KBTBD6: variants seen among roughly 807,000 people sequenced by gnomAD.
KBTBD6 encodes the protein kelch repeat and BTB domain-containing protein 6.
A neutral mutation model predicts 34.4 loss-of-function variants in KBTBD6; 6 were observed. That is an observed-to-expected ratio of 0.17 (90% CI 0.10 to 0.34). KBTBD6 has a LOEUF of 0.34. Ranked by LOEUF, KBTBD6 falls within the 10% of genes least tolerant of loss-of-function variation. KBTBD6 has a pLI of 1.00. For synonymous variants in KBTBD6, 288 were observed against 327.2 expected (o/e 0.88, Z 1.29); for missense variants, 557 against 856.0 (o/e 0.65, Z 4.36).
Position 41,128,695 on chromosome 13 carries a change from CATAGCTGCAGTGAGCTATGATT to C in KBTBD6, c.*1770_*1791del, listed in dbSNP as rs1327603540. 1.5e-4 allele frequency: 56 copies of C among 376,140 alleles called. No individual in the cohort carries two copies. In the South Asian group the frequency reaches 3.3e-3, roughly 22 times the overall value. The allele number at this position is 376,140 out of a possible 1,614,324, so 23.3% of individuals were successfully genotyped here. A position where few individuals can be genotyped will look rare whatever the true frequency, so the allele number is the denominator to read the frequency against. On this transcript the variant is annotated 3_prime_UTR_variant, in exon 1 of 1. Coordinates refer to ENST00000379485, the MANE Select transcript of KBTBD6 (RefSeq NM_152903.5). ...CAAAGCTGGAGTGCTGAGACATGAT[CATAGCTGCAGTGAGCTATGATT>C]ATAGCTGCAGATGATAGCTGCAGCC...
At position 41,131,863 on chromosome 13, in the gene KBTBD6, G is replaced by A. The variant is rs1307300757; in HGVS notation, c.649C>T (p.Leu217=). Residue 217 remains leucine (L), a synonymous_variant, in exon 1 of 1, where the codon CTG becomes TTG. Coordinates refer to ENST00000379485, the MANE Select transcript of KBTBD6 (RefSeq NM_152903.5). The surrounding 1 kb of genome is among the most constrained non-coding windows in gnomAD (Gnocchi z 5.8). ...ACAGCCAGCAGCTGGGCCAGGGTCA[G>A]ATCTGCTAGAGTCTCCTCCCGAATT... ...GSIREETLAD[L]TLAQLLAVLR... 6.2e-7 allele frequency: 1 copy of A among 1,614,266 alleles called. No individual in the cohort carries two copies. Among genetic ancestry groups the A allele is most frequent in the East Asian group, 2.2e-5 (1 of 44,890 alleles).
rs2030127359 is a variant in KBTBD6 at position 41,132,520 on chromosome 13, T to C, written c.-9A>G. 11 of 1,608,544 alleles carry C rather than the reference T, an allele frequency of 6.8e-6. No individual in the cohort carries two copies. The highest frequency in any genetic ancestry group is 4.4e-5 in the South Asian group (4 of 90,910). On this transcript the variant is annotated 5_prime_UTR_variant, in exon 1 of 1. Transcript: ENST00000379485. ...TCTTCCCGGGACTGCATGGTGGAGATGGCGACGGGCGCTGATGGCGAGAAA... is the reference window on the plus strand; with the variant it reads ...TCTTCCCGGGACTGCATGGTGGAGACGGCGACGGGCGCTGATGGCGAGAAA...
Position 41,131,278 on chromosome 13 carries a change from G to A in KBTBD6, c.1234C>T (p.Gln412Ter). The part of the protein sequence containing the change: ...RTDLWVYKPA[Q>*]NSWQQLADRL... ...TCTGCAAGTTGCTGCCAACTATTCT[G>A]AGCTGGTTTATACACCCAGAGGTCT... is the stretch of plus-strand genomic sequence containing the variant. Residue 412 changes from glutamine (Q) to a stop codon, truncating the protein, a stop_gained, in exon 1 of 1, where the codon CAG becomes TAG. Coordinates refer to ENST00000379485, the MANE Select transcript of KBTBD6 (RefSeq NM_152903.5). LOFTEE classifies it high-confidence loss of function. This position sits in a 1 kb window ranked among gnomAD's most constrained non-coding sequence, Gnocchi z 5.8. 6.2e-7 allele frequency: 1 copy of A among 1,614,156 alleles called. No individual in the cohort carries two copies. The highest frequency in any genetic ancestry group is 8.5e-7 in the Non-Finnish European group (1 of 1,180,030).
rs1426317595 is a variant in KBTBD6 at position 41,131,426 on chromosome 13, G to A, written c.1086C>T (p.Tyr362=). The part of the protein sequence containing the change: ...PRDPFLCCDP[Y]SGDLYKVPSP... ...ACGGCACTTTGTAAAGGTCCCCCGA[G>A]TATGGATCACAGCAGAGAAAGGGAT... Residue 362 remains tyrosine, a synonymous_variant, in exon 1 of 1, where the codon TAC becomes TAT. Coordinates refer to ENST00000379485, the MANE Select transcript of KBTBD6 (RefSeq NM_152903.5). The surrounding 1 kb of genome is among the most constrained non-coding windows in gnomAD (Gnocchi z 5.8). 1.4e-5 allele frequency: 23 copies of A among 1,614,182 alleles called. No homozygotes were observed. The highest frequency in any genetic ancestry group is 1.9e-5 in the Non-Finnish European group (23 of 1,180,024).
rs1218217900 is a variant in KBTBD6 at position 41,131,538 on chromosome 13, TTGCTGCTGCTACTGC to T, written c.959_973del (p.Ser320_Ser324del). ...ATTTTCTGCTGCAGATACAAGAGAG[TTGCTGCTGCTACTGC>T]TGCTGCTGCTGTTTGGCACTGGCAC... On this transcript the variant is annotated inframe_deletion, in exon 1 of 1. Transcript: ENST00000379485. The surrounding 1 kb of genome is among the most constrained non-coding windows in gnomAD (Gnocchi z 5.8). 6.2e-7 allele frequency: 1 copy of T among 1,613,866 alleles called. No individual in the cohort carries two copies. The highest frequency in any genetic ancestry group is 8.5e-7 in the Non-Finnish European group (1 of 1,179,974).
Position 41,130,817 on chromosome 13 carries a change from G to T in KBTBD6, c.1695C>A (p.Gly565=). 6.2e-7 allele frequency: 1 copy of T among 1,614,140 alleles called. No individual in the cohort carries two copies. Among genetic ancestry groups the T allele is most frequent in the Non-Finnish European group, 8.5e-7 (1 of 1,180,032 alleles). ...ETNNYRIIKH[G]QKLLLITSRT... ...GAGAGGTGATGAGCAACAATTTTTG[G>T]CCATGCTTGATAATTCTGTAGTTGT... The change falls in exon 1 of 1, where the codon GGC becomes GGA. Residue 565 remains glycine (G), a synonymous_variant. Coordinates refer to ENST00000379485, the MANE Select transcript of KBTBD6 (RefSeq NM_152903.5). This position sits in a 1 kb window ranked among gnomAD's most constrained non-coding sequence, Gnocchi z 4.8.
Position 41,131,293 on chromosome 13 carries a change from C to T in KBTBD6, c.1219G>A (p.Val407Met). Residue 407 changes from valine (V) to methionine (M), a missense_variant, in exon 1 of 1, where the codon GTG becomes ATG. Val to Met is a conservative substitution (Grantham distance 21). Transcript: ENST00000379485. This position sits in a 1 kb window ranked among gnomAD's most constrained non-coding sequence, Gnocchi z 5.8. ...LAAQPRTDLW[V>M]YKPAQNSWQQ... ...CAACTATTCTGAGCTGGTTTATACA[C>T]CCAGAGGTCTGTCCTGGGCTGAGCA... is the stretch of plus-strand genomic sequence containing the variant. The T allele has an allele frequency of 1.9e-6, 3 of 1,614,156 alleles. No homozygotes were observed. Among genetic ancestry groups the T allele is most frequent in the Non-Finnish European group, 1.7e-6 (2 of 1,180,040 alleles).
chr13:41,132,547 G>A lies in KBTBD6; in HGVS notation c.-36C>T. On this transcript the variant is annotated 5_prime_UTR_variant, in exon 1 of 1. Coordinates refer to ENST00000379485, the MANE Select transcript of KBTBD6 (RefSeq NM_152903.5). Reference sequence around the variant, plus strand: ...GCGACGGGCGCTGATGGCGAGAAACGCTGCAGGACCCGGCTCTGGCTCCTC... The same window carrying A: ...GCGACGGGCGCTGATGGCGAGAAACACTGCAGGACCCGGCTCTGGCTCCTC... 1 of 1,596,726 alleles carries A rather than the reference G, an allele frequency of 6.3e-7. No homozygotes were observed. The highest frequency in any genetic ancestry group is 1.7e-5 in the Admixed American group (1 of 58,974).
In KBTBD6 at chr13:41,130,913, G is replaced by C; in HGVS notation, c.1599C>G (p.Val533=). The change falls in exon 1 of 1, where the codon GTC becomes GTG. Residue 533 remains valine, a synonymous_variant. Transcript: ENST00000379485. The surrounding 1 kb of genome is among the most constrained non-coding windows in gnomAD (Gnocchi z 4.8). ...EEIYCICDIP[V]MKVYNPVRAE... is the part of the protein sequence containing the mutation. The stretch of plus-strand genomic sequence containing the variant: ...CCCTAACTGGGTTGTAGACCTTCAT[G>C]ACTGGGATATCACAGATACAATAGA... 6.2e-7 allele frequency: 1 copy of C among 1,614,124 alleles called. No homozygotes were observed. The highest frequency in any genetic ancestry group is 8.5e-7 in the Non-Finnish European group (1 of 1,179,988).
In KBTBD6 at chr13:41,132,523, C is replaced by T; in HGVS notation, c.-12G>A. On this transcript the variant is annotated 5_prime_UTR_variant, in exon 1 of 1. Coordinates refer to ENST00000379485, the MANE Select transcript of KBTBD6 (RefSeq NM_152903.5). ...TCCCGGGACTGCATGGTGGAGATGGCGACGGGCGCTGATGGCGAGAAACGC... is the reference window on the plus strand; with the variant it reads ...TCCCGGGACTGCATGGTGGAGATGGTGACGGGCGCTGATGGCGAGAAACGC... The T allele has an allele frequency of 2.5e-6, 4 of 1,606,728 alleles. No homozygotes were observed. The highest frequency in any genetic ancestry group is 3.4e-6 in the Non-Finnish European group (4 of 1,174,848).
At position 41,131,916 on chromosome 13, in the gene KBTBD6, T is replaced by G. The variant is rs926337245; in HGVS notation, c.596A>C (p.Asn199Thr). ...ACCCATGTGGCTGAGTTGCTTGAAG[T>G]TCTGAGCTATATAGGACTGGGCCTG... ...RSQAQSYIAQ[N>T]FKQLSHMGSI... is the part of the protein sequence containing the mutation. Residue 199 changes from asparagine (N) to threonine (T), a missense_variant, in exon 1 of 1, where the codon AAC (asparagine) becomes ACC (threonine). Asn to Thr is a moderately conservative substitution (Grantham distance 65). Transcript: ENST00000379485. The surrounding 1 kb of genome is among the most constrained non-coding windows in gnomAD (Gnocchi z 5.8). The G allele has an allele frequency of 6.2e-7, 1 of 1,614,226 alleles. No individual in the cohort carries two copies.
chr13:41,128,520 A>C lies in KBTBD6; in HGVS notation c.*1967T>G. ...TACAGAGAAATACAAAACACATACA[A>C]ACATCATAATAAAATAGCCATTTAT... On this transcript the variant is annotated 3_prime_UTR_variant, in exon 1 of 1. Coordinates refer to ENST00000379485, the MANE Select transcript of KBTBD6 (RefSeq NM_152903.5). 2.5e-6 allele frequency: 1 copy of C among 397,820 alleles called. No homozygotes were observed. Among genetic ancestry groups the C allele is most frequent in the East Asian group, 3.6e-5 (1 of 28,036 alleles). 24.6% of individuals were successfully genotyped at this position (397,820 alleles called of 1,614,324 possible). A position where few individuals can be genotyped will look rare whatever the true frequency, so the allele number is the denominator to read the frequency against.
rs376367760 is a variant in KBTBD6 at position 41,131,644 on chromosome 13, A to T, written c.868T>A (p.Tyr290Asn). ...GCCCCTTCAATAACGTCCAGGCAGT[A>T]CTTCTTCACGATGGGCTTGGTCAGC... ...GLLTKPIVKK[Y>N]CLDVIEGALQ... The change falls in exon 1 of 1, where the codon TAC (tyrosine) becomes AAC (asparagine). Residue 290 changes from tyrosine to asparagine, a missense_variant. By Grantham distance (143) the Tyr-to-Asn change is moderately radical (BLOSUM62 -2). Coordinates refer to ENST00000379485, the MANE Select transcript of KBTBD6 (RefSeq NM_152903.5). The surrounding 1 kb of genome is among the most constrained non-coding windows in gnomAD (Gnocchi z 5.8). 4 of 1,613,848 alleles carry T rather than the reference A, an allele frequency of 2.5e-6. No homozygotes were observed. The highest frequency in any genetic ancestry group is 2.5e-6 in the Non-Finnish European group (3 of 1,179,760).
rs768676428 is a variant in KBTBD6 at position 41,132,376 on chromosome 13, A to G, written c.136T>C (p.Ser46Pro). ...GPEELKDTAH[S>P]AALLAQLKSF... ...TTGAGCTGTGCCAGCAGGGCTGCAG[A>G]ATGGGCCGTGTCCTTTAATTCCTCT... Residue 46 changes from serine (S) to proline (P), a missense_variant, in exon 1 of 1, where the codon TCT becomes CCT. Physicochemically the swap from Ser to Pro is moderately conservative, Grantham distance 74. This residue lies in a region of KBTBD6 where 108 missense variants were observed against 209.6 expected (regional missense o/e 0.52). Transcript: ENST00000379485. 5 of 1,614,196 alleles carry G rather than the reference A, an allele frequency of 3.1e-6. No homozygotes were observed. The highest frequency in any genetic ancestry group is 4.2e-6 in the Non-Finnish European group (5 of 1,180,038).
In KBTBD6 at chr13:41,130,135, A is replaced by T. The variant is rs1253593201; in HGVS notation, c.*352T>A. 1 of 172,334 alleles carries T rather than the reference A, an allele frequency of 5.8e-6. No individual in the cohort carries two copies. Among genetic ancestry groups the T allele is most frequent in the Non-Finnish European group, 1.2e-5 (1 of 81,774 alleles). The allele number at this position is 172,334 out of a possible 1,614,324, so 10.7% of individuals were successfully genotyped here. ...TCTAGCAATTCCTAATCATTTTTCT[A>T]TTATAAAAATTAAAATTCAAAAGTT... On this transcript the variant is annotated 3_prime_UTR_variant, in exon 1 of 1. Transcript: ENST00000379485. This position sits in a 1 kb window ranked among gnomAD's most constrained non-coding sequence, Gnocchi z 4.8.
At position 41,132,469 on chromosome 13, in the gene KBTBD6, T is replaced by C. The variant is rs780946263; in HGVS notation, c.43A>G (p.Ser15Gly). The C allele has an allele frequency of 2.6e-5, 42 of 1,614,086 alleles. No individual in the cohort carries two copies. Among genetic ancestry groups the C allele is most frequent in the Non-Finnish European group, 3.5e-5 (41 of 1,180,024 alleles). ...TTGGGCCGCTTCCCACCACGGGGAC[T>C]GGCTAGGCGGCGAGAGCGCGGGGCG... ...EDAPRSRRLA[S>G]PRGGKRPKKI... The change falls in exon 1 of 1, where the codon AGT becomes GGT. Residue 15 changes from serine to glycine, a missense_variant. This residue lies in a region of KBTBD6 where 40 missense variants were observed against 39.9 expected (regional missense o/e 1.00). Transcript: ENST00000379485.
Position 41,132,398 on chromosome 13 carries a change from C to T in KBTBD6, c.114G>A (p.Glu38=), listed in dbSNP as rs1220793612. The change falls in exon 1 of 1, where the codon GAG becomes GAA. Residue 38 remains glutamate (E), a synonymous_variant. Transcript: ENST00000379485. ...PTVSAFFTGP[E]ELKDTAHSAA... Reference sequence around the variant, plus strand: ...CAGAATGGGCCGTGTCCTTTAATTCCTCTGGACCCGTGAAAAAGGCCGAAA... The same window carrying T: ...CAGAATGGGCCGTGTCCTTTAATTCTTCTGGACCCGTGAAAAAGGCCGAAA... 1 of 1,614,106 alleles carries T rather than the reference C, an allele frequency of 6.2e-7. No individual in the cohort carries two copies. Among genetic ancestry groups the T allele is most frequent in the East Asian group, 2.2e-5 (1 of 44,886 alleles).
Position 41,130,494 on chromosome 13 carries a change from G to T in KBTBD6, c.2018C>A (p.Pro673His). The change falls in exon 1 of 1, where the codon CCT (proline) becomes CAT (histidine). Residue 673 changes from proline (P) to histidine (H), a missense_variant. Physicochemically the swap from Pro to His is moderately conservative, Grantham distance 77. Transcript: ENST00000379485. This position sits in a 1 kb window ranked among gnomAD's most constrained non-coding sequence, Gnocchi z 4.8. ...CTGTTGATCCTGTGCATTTCACTGA[G>T]GCGCTACACGCACCCAAAAATCATC... Reference protein sequence around the residue: ...SDDDFWVRVAPQ With the variant: ...SDDDFWVRVAHQ 3 of 1,610,410 alleles carry T rather than the reference G, an allele frequency of 1.9e-6. No homozygotes were observed. The highest frequency in any genetic ancestry group is 2.5e-6 in the Non-Finnish European group (3 of 1,177,630).
rs747037725 is a variant in KBTBD6, at chr13:41,130,426, A to G, written c.*61T>C. The G allele has an allele frequency of 6.3e-5, 78 of 1,229,414 alleles. No individual in the cohort carries two copies. Among genetic ancestry groups the G allele is most frequent in the Non-Finnish European group, 1.0e-5 (9 of 875,798 alleles). 76.2% of individuals were successfully genotyped at this position (1,229,414 alleles called of 1,614,324 possible). A position where few individuals can be genotyped will look rare whatever the true frequency, so the allele number is the denominator to read the frequency against. On this transcript the variant is annotated 3_prime_UTR_variant, in exon 1 of 1. Transcript: ENST00000379485. The surrounding 1 kb of genome is among the most constrained non-coding windows in gnomAD (Gnocchi z 4.8). ...AAGGATATTTAAGATATTTTCCAAA[A>G]CAGTAAAAACAACTTAGTGTTTCAA...
Sources: allele counts gnomAD v4.1 joint callset, GRCh38; gene constraint gnomAD v4.1.1; regional missense constraint gnomAD v4.1.1; non-coding constraint Gnocchi (gnomAD v3.1); transcripts MANE v1.5; gene names NCBI Gene and HGNC (gene_info 2026-07-23, HGNC 2026-07-21).